The following JAK2 variants were observed in gnomAD, a reference collection of about 807,000 sequenced individuals.
JAK2 encodes tyrosine-protein kinase JAK2.
JAK2 carries 86 observed loss-of-function variants against 139.3 expected under a neutral mutation model. That is an observed-to-expected ratio of 0.62 (90% CI 0.52 to 0.74). The LOEUF (loss-of-function observed/expected upper bound fraction) is 0.74, where lower values mean the gene tolerates loss of function less well. JAK2 is among the 30% of genes least tolerant of loss of function. The pLI, the probability that JAK2 is intolerant of heterozygous loss-of-function variation, is 0.00. For missense variants in JAK2, 1,421 were observed against 1,360.3 expected (o/e 1.04, Z -0.70); for synonymous variants, 490 against 437.7 (o/e 1.12, Z -1.49).
chr9:5,027,626 T>A (rs1029373710), intron 3 of JAK2, among the ~76,000 whole-genome samples: 5 of 152,226 alleles, frequency 3.3e-5, no homozygotes, highest in African/African-American at 1.2e-4. Context: ...GATAGCATTT[T>A]ACCCGCAGTA....
chr9:5,119,942 GATAAA>G (rs1263318789), intron 22 of JAK2, among the ~76,000 whole-genome samples: 4 of 152,126 alleles, frequency 2.6e-5, no homozygotes, highest in African/African-American at 9.7e-5. Context: ...AATATGAATT[GATAAA>G]ATAAGTTTGA....
upstream of JAK2, chr9:4,984,862 C>G (rs1819849983): frequency 6.6e-6 from 1 of 152,336 alleles, no homozygotes; most frequent in Admixed American, 6.5e-5. Context: ...CTAGCTCCAG[C>G]CGGGCACCAG....
intron 14 of JAK2, among the ~76,000 whole-genome samples, chr9:5,076,352 T>C (rs1334625451): frequency 6.6e-6 from 1 of 152,124 alleles, no homozygotes; most frequent in African/African-American, 2.4e-5. Flanking sequence ...CTGCAGTGAA[T>C]TTCATTGTTG....
chr9:5,042,659 G>A (rs1816684422), intron 4 of JAK2, among the ~76,000 whole-genome samples: 1 of 152,068 alleles, frequency 6.6e-6, no homozygotes, highest in African/African-American at 2.4e-5. Context: ...TCATCCAAAG[G>A]CCGTTTTCTC....
At position 5,065,037 on chromosome 9, in the gene JAK2, T is replaced by C; in HGVS notation, c.1211T>C (p.Ile404Thr). The change falls in exon 9 of 25, where the codon ATT (isoleucine) becomes ACT (threonine). Residue 404 changes from isoleucine to threonine, a missense_variant. Ile to Thr is a moderately conservative substitution (Grantham distance 89, BLOSUM62 -1). Transcript: ENST00000381652. ...ENIQSNCHGPISMDFAISKLK... is the reference protein window; with the variant it reads ...ENIQSNCHGPTSMDFAISKLK... The stretch of plus-strand genomic sequence containing the variant: ...ATACAAAGCAACTGTCATGGCCCAA[T>C]TTCGTGAGTAATACAGACTTAAAAG... The C allele has an allele frequency of 6.3e-7, 1 of 1,577,608 alleles. No individual in the cohort carries two copies. The highest frequency in any genetic ancestry group is 8.6e-7 in the Non-Finnish European group (1 of 1,163,578).
intron 22 of JAK2, chr9:5,111,199 G>C: frequency 1.6e-6 from 1 of 642,982 alleles, no homozygotes; most frequent in East Asian, 3.8e-5. Flanking sequence ...CCTGGGACCG[G>C]GACTCGGAGG....
At chr9:4,984,974 G>T (rs1211120625), upstream of JAK2, 3 of 152,330 alleles carry the variant, frequency 2.0e-5, no homozygotes, top group African/African-American at 7.2e-5. Context: ...AGAGGCAGCT[G>T]CCCTGCGTGG....
intron 19 of JAK2, among the ~76,000 whole-genome samples, chr9:5,084,007 A>G (rs1235495439): frequency 1.3e-5 from 2 of 152,090 alleles, no homozygotes; most frequent in African/African-American, 4.8e-5. Context: ...ATATACCATA[A>G]TTTATTTACA....
At chr9:5,013,398 C>G (rs1347225461) in intron 2 of JAK2, among the ~76,000 whole-genome samples, 1 of 152,142 alleles carries the variant, frequency 6.6e-6, no homozygotes, top group Non-Finnish European at 1.5e-5. Flanking sequence ...TTATATCTTG[C>G]AATAGAATGC....
chr9:5,059,855 AGT>A (rs1818031316), intron 8 of JAK2, among the ~76,000 whole-genome samples: 3 of 152,172 alleles, frequency 2.0e-5, no homozygotes, highest in Non-Finnish European at 4.4e-5. Context: ...CTTCTTATGA[AGT>A]GCCTGTGACA....
At chr9:5,047,496 T>A (rs943507755) in intron 5 of JAK2, among the ~76,000 whole-genome samples, 3 of 152,244 alleles carry the variant, frequency 2.0e-5, no homozygotes, top group African/African-American at 7.2e-5. Context: ...AATTAATTCA[T>A]ATCTATTCAA....
chr9:5,062,353 A>C (rs1300401022), intron 8 of JAK2, among the ~76,000 whole-genome samples: 1 of 152,052 alleles, frequency 6.6e-6, no homozygotes, highest in Non-Finnish European at 1.5e-5. Flanking sequence ...ATCACAAATC[A>C]CCGTAACAGG....
At chr9:5,099,469 C>A (rs1358121783) in intron 22 of JAK2, 2 of 152,140 alleles carry the variant, frequency 1.3e-5, no homozygotes, top group African/African-American at 2.4e-5. Flanking sequence ...CTTTATTCTC[C>A]ATTATTCAGT....
chr9:5,121,865 T>C (rs1255363664), intron 22 of JAK2, among the ~76,000 whole-genome samples: 4 of 152,144 alleles, frequency 2.6e-5, no homozygotes, highest in Admixed American at 2.0e-4. Flanking sequence ...ATGAGTGCTA[T>C]ATGAAAACCA....
At chr9:4,992,956 TC>T (rs899484974) in intron 2 of JAK2, among the ~76,000 whole-genome samples, 24 of 152,138 alleles carry the variant, frequency 1.6e-4, no homozygotes, top group African/African-American at 5.8e-4. Flanking sequence ...ATTATTTATC[TC>T]CCCCACCCCT....
At chr9:5,028,008 C>G (rs1406447160) in intron 3 of JAK2, among the ~76,000 whole-genome samples, 1 of 152,196 alleles carries the variant, frequency 6.6e-6, no homozygotes, top group Non-Finnish European at 1.5e-5. Context: ...TTTTGACCTC[C>G]TCTCATGAAC....
Position 5,035,593 on chromosome 9 carries a change from A to AT in JAK2, c.350+5687_350+5688insT, listed in dbSNP as rs201022818. ...GCTGGTTCAACATATGCAAATCAATAAACGTAATCCAGCATATAAACAGAA... is the reference window on the plus strand; with the variant it reads ...GCTGGTTCAACATATGCAAATCAATATAACGTAATCCAGCATATAAACAGAA... On this transcript the variant is annotated intron_variant, in intron 4 of 24. Transcript: ENST00000381652. Among the ~76,000 whole-genome samples, 100 of 152,370 alleles carry AT rather than the reference A, an allele frequency of 6.6e-4. 1 individual carries two copies. The East Asian group carries it at 0.016, about 24-fold the overall frequency.
intron 23 of JAK2, among the ~76,000 whole-genome samples, 156 bp downstream of exon 23, chr9:5,123,277 T>C (rs886657174): frequency 2.6e-5 from 4 of 151,916 alleles, no homozygotes; most frequent in Non-Finnish European, 4.4e-5. Flanking sequence ...ATACATTGTA[T>C]CCCTTAAATA....
intron 2 of JAK2, among the ~76,000 whole-genome samples, chr9:4,987,289 A>C (rs777473006): frequency 6.6e-6 from 1 of 152,188 alleles, no homozygotes; most frequent in Non-Finnish European, 1.5e-5. Context: ...GATTTGAGAC[A>C]GGTGTCTCAG....
Sources: allele counts gnomAD v4.1 joint callset (sites outside exome capture counted in the v4.1 genomes callset), GRCh38; gene constraint gnomAD v4.1.1; transcripts MANE v1.5; gene names NCBI Gene and HGNC (gene_info 2026-07-23, HGNC 2026-07-21).